Variants in TNNI3K observed in about 807,000 individuals in gnomAD.
TNNI3K encodes the protein serine/threonine-protein kinase TNNI3K.
A neutral mutation model predicts 114.5 loss-of-function variants in TNNI3K; 140 were observed. That is an observed-to-expected ratio of 1.22 (90% CI 1.07 to 1.41). The LOEUF (loss-of-function observed/expected upper bound fraction) is 1.41. Ranked by LOEUF, TNNI3K falls within the 40% of genes most tolerant of loss-of-function variation. TNNI3K has a pLI of 0.00. For synonymous variants in TNNI3K, 347 were observed against 347.5 expected, an observed-to-expected ratio of 1.00 and a Z score of 0.02; for missense variants, 1,125 against 1,007.6, an observed-to-expected ratio of 1.12 and a Z score of -1.58.
intron 20 of TNNI3K, among the ~76,000 whole-genome samples, chr1:74,445,242 T>A (rs1203402486): frequency 1.3e-5 from 2 of 148,706 alleles, no homozygotes; most frequent in Admixed American, 1.4e-4. Flanking sequence ...TATTATACTT[T>A]AAGTTTTAGG....
At chr1:74,477,767 T>G (rs555014695) in intron 21 of TNNI3K, among the ~76,000 whole-genome samples, 1 of 152,302 alleles carries the variant, frequency 6.6e-6, no homozygotes, top group South Asian at 2.1e-4. Flanking sequence ...AAATGAAGCT[T>G]GTAGGCAGGC....
intron 17 of TNNI3K, among the ~76,000 whole-genome samples, chr1:74,410,967 G>A (rs571030705): frequency 1.3e-5 from 2 of 152,188 alleles, no homozygotes; most frequent in East Asian, 3.9e-4. Context: ...AACAAAGGGT[G>A]GATTATTGTG....
At chr1:74,502,206 T>C (rs1669668254) in intron 23 of TNNI3K, among the ~76,000 whole-genome samples, 1 of 152,208 alleles carries the variant, frequency 6.6e-6, no homozygotes, top group South Asian at 2.1e-4. Context: ...ATACCCATAG[T>C]AGATTGTAAA....
chr1:74,530,986 T>C (rs577349899), intron 23 of TNNI3K, among the ~76,000 whole-genome samples: 24 of 152,220 alleles, frequency 1.6e-4, no homozygotes, highest in Non-Finnish European at 3.4e-4. Context: ...GCATTTTTCC[T>C]TATTCATAAT....
At chr1:74,349,027 C>G (rs577321800) in intron 9 of TNNI3K, among the ~76,000 whole-genome samples, 2 of 152,106 alleles carry the variant, frequency 1.3e-5, no homozygotes, top group Admixed American at 1.3e-4. Flanking sequence ...GAACTTCCAA[C>G]GCTATGTTGA....
intron 21 of TNNI3K, among the ~76,000 whole-genome samples, chr1:74,466,544 G>T (rs1667689964): frequency 6.6e-6 from 1 of 152,190 alleles, no homozygotes; most frequent in South Asian, 2.1e-4. Context: ...TGTCAGCACG[G>T]AGTCTTTGTT....
chr1:74,284,428 CTACTTATCACT>C (rs1390229664), intron 5 of TNNI3K, among the ~76,000 whole-genome samples: 1 of 152,168 alleles, frequency 6.6e-6, no homozygotes, highest in Non-Finnish European at 1.5e-5. Flanking sequence ...GGCCCATCTG[CTACTTATCACT>C]TGTTCATGTA....
chr1:74,241,246 G>A (rs1043087532), intron 2 of TNNI3K, among the ~76,000 whole-genome samples: 21 of 152,196 alleles, frequency 1.4e-4, no homozygotes, highest in Non-Finnish European at 2.4e-4. Context: ...ACATACATGT[G>A]CATGTGACTT....
At chr1:74,324,635 C>T (rs1659803638) in intron 5 of TNNI3K, among the ~76,000 whole-genome samples, 1 of 152,028 alleles carries the variant, frequency 6.6e-6, no homozygotes, top group African/African-American at 2.4e-5. Context: ...CCTTACAGGG[C>T]CAGTGGGAAG....
intron 17 of TNNI3K, among the ~76,000 whole-genome samples, chr1:74,379,016 TAGC>T (rs894044154): frequency 1.3e-5 from 2 of 152,066 alleles, no homozygotes; most frequent in Non-Finnish European, 2.9e-5. Flanking sequence ...TATGAACTAA[TAGC>T]AGTAATTGGG....
rs553768131 is a variant in TNNI3K, at chr1:74,480,935, G to T, written c.2122-8254G>T. 1.1e-4 allele frequency: 82 copies of T among 717,040 alleles called. No homozygotes were observed. The African/African-American group carries it at 1.2e-3, about 11-fold the overall frequency. The allele number at this position is 717,040 out of a possible 1,614,324, so 44.4% of individuals were successfully genotyped here. The stretch of plus-strand genomic sequence containing the variant: ...CTCAATAGAGGAGAGATATCCATCG[G>T]TGATGATTAAAACCCTCGTGGTCAT... On this transcript the variant is annotated intron_variant, in intron 21 of 24. Transcript: ENST00000326637.
chr1:74,367,517 T>A (rs1182416646), intron 12 of TNNI3K, among the ~76,000 whole-genome samples, 175 bp downstream of exon 12: 2 of 152,042 alleles, frequency 1.3e-5, no homozygotes, highest in East Asian at 3.9e-4. Flanking sequence ...TAAAGAAGCC[T>A]CCATTTCAGC....
At chr1:74,451,727 CTT>C (rs1667027572) in intron 20 of TNNI3K, among the ~76,000 whole-genome samples, 13 of 44,426 alleles carry the variant, frequency 2.9e-4, no homozygotes, top group Non-Finnish European at 5.0e-4. Context: ...TTCTTTCTTT[CTT>C]TCTTTCTTTC....
At chr1:74,428,530 A>G (rs1280050882) in intron 17 of TNNI3K, among the ~76,000 whole-genome samples, 4 of 152,086 alleles carry the variant, frequency 2.6e-5, no homozygotes, top group Non-Finnish European at 5.9e-5. Flanking sequence ...AATAACGTCT[A>G]AAAAACAGAC....
At chr1:74,252,941 T>C (rs1399538955) in intron 4 of TNNI3K, among the ~76,000 whole-genome samples, 1 of 152,190 alleles carries the variant, frequency 6.6e-6, no homozygotes, top group African/African-American at 2.4e-5. Context: ...TTCTCTTATC[T>C]GGCCCCCACC....
intron 10 of TNNI3K, 78 bp from the exon 11 acceptor site, chr1:74,353,902 G>A (rs1170952412): frequency 2.6e-6 from 4 of 1,513,722 alleles, no homozygotes; most frequent in African/African-American, 2.8e-5. Context: ...CTATTATGTG[G>A]TGATGACTGT....
At chr1:74,542,228 T>A in intron 24 of TNNI3K, among the ~76,000 whole-genome samples, 1 of 152,168 alleles carries the variant, frequency 6.6e-6, no homozygotes, top group East Asian at 1.9e-4. Flanking sequence ...GGGACATATG[T>A]CCACAATCAA....
intron 20 of TNNI3K, among the ~76,000 whole-genome samples, chr1:74,444,758 C>A (rs1318679286): frequency 6.6e-6 from 1 of 151,714 alleles, no homozygotes; most frequent in East Asian, 1.9e-4. Flanking sequence ...CTGGAGGCAT[C>A]ATGGTACCCA....
At chr1:74,509,574 A>C (rs1255177761) in intron 23 of TNNI3K, among the ~76,000 whole-genome samples, 1 of 152,112 alleles carries the variant, frequency 6.6e-6, no homozygotes, top group Non-Finnish European at 1.5e-5. Context: ...TCAGATTAAC[A>C]TAGAGGACAA....
Sources: gnomAD v4.1 joint callset for allele counts (sites outside exome capture counted in the v4.1 genomes callset) on GRCh38, gnomAD v4.1.1 for gene constraint, MANE v1.5 for transcripts, NCBI Gene and HGNC (gene_info 2026-07-23, HGNC 2026-07-21) for gene names.